Variants in SLC13A1 observed in about 807,000 individuals in gnomAD.
SLC13A1 encodes solute carrier family 13 member 1.
In SLC13A1, 65 loss-of-function variants were observed where a neutral mutation model predicts 70.0. That is an observed-to-expected ratio of 0.93 (90% CI 0.76 to 1.14). The LOEUF is 1.14. SLC13A1 is among the 50% of genes most tolerant of loss of function. The probability of loss-of-function intolerance (pLI) is 0.00; values close to 1 mark genes in which losing one functional copy is unlikely to be tolerated. For synonymous variants in SLC13A1, 275 were observed against 250.5 expected (o/e 1.10, Z -0.92); for missense variants, 726 against 717.8 (o/e 1.01, Z -0.13).
rs12673669 is a variant in SLC13A1 at position 123,113,992 on chromosome 7, G to C, written c.*1526C>G. 31,420 of 148,516 alleles carry C rather than the reference G, an allele frequency of 0.21. 4,115 individuals carry two copies. The highest frequency in any genetic ancestry group is 0.32 in the East Asian group (1,606 of 4,964). 9.2% of individuals were successfully genotyped at this position (148,516 alleles called of 1,614,324 possible). On this transcript the variant is annotated 3_prime_UTR_variant, in exon 15 of 15. Transcript: ENST00000194130. ...AATAGCAAAGGTTTGGCTGAGGCAG[G>C]AGAATGGCGTGAACCTGGGAGGCGG...
Position 123,126,236 on chromosome 7 carries a change from G to A in SLC13A1, c.1134-561C>T, listed in dbSNP as rs143900782. ...CTCTAACCATATCATACAAAGGAAA[G>A]CAACCTACTTAATTTTTTGCACCCC... On this transcript the variant is annotated intron_variant, in intron 10 of 14. Transcript: ENST00000194130. 2.0e-5 allele frequency among the ~76,000 whole-genome samples: 3 copies of A among 152,240 alleles called. No individual in the cohort carries two copies. In the East Asian group the frequency reaches 5.8e-4, roughly 29 times the overall value.
rs554821603 is a variant in SLC13A1, at chr7:123,149,939, C to A, written c.661-2629G>T. The stretch of plus-strand genomic sequence containing the variant: ...AAAAACTCCAAACTCTCTTTCTTGT[C>A]TTTTCTTGAATGGTAGTTCTTTATG... On this transcript the variant is annotated intron_variant, in intron 6 of 14. Coordinates refer to ENST00000194130, the MANE Select transcript of SLC13A1 (RefSeq NM_022444.4). 7.9e-5 allele frequency among the ~76,000 whole-genome samples: 12 copies of A among 152,218 alleles called. No individual in the cohort carries two copies. The South Asian group carries it at 2.5e-3, about 32-fold the overall frequency.
intron 7 of SLC13A1, among the ~76,000 whole-genome samples, chr7:123,146,156 T>G (rs763308012): frequency 3.9e-5 from 6 of 152,200 alleles, no homozygotes; most frequent in African/African-American, 1.2e-4. Flanking sequence ...ATTCTCACAA[T>G]AACCCTATCA....
intron 3 of SLC13A1, among the ~76,000 whole-genome samples, chr7:123,171,079 G>A (rs1270685818): frequency 6.6e-6 from 1 of 152,074 alleles, no homozygotes; most frequent in East Asian, 1.9e-4. Flanking sequence ...AGAAAGATGA[G>A]AAGGGAAGAA....
At chr7:123,179,799 A>C (rs1795578368) in intron 2 of SLC13A1, among the ~76,000 whole-genome samples, 1 of 141,310 alleles carries the variant, frequency 7.1e-6, no homozygotes, top group African/African-American at 2.5e-5. Context: ...ATAACAGACA[A>C]AGGTATAACT....
intron 7 of SLC13A1, among the ~76,000 whole-genome samples, chr7:123,141,683 T>A (rs1238918638): frequency 6.6e-6 from 1 of 152,186 alleles, no homozygotes; most frequent in African/African-American, 2.4e-5. Flanking sequence ...TATAGTGACC[T>A]TCTTTGTCTC....
chr7:123,130,381 G>A (rs1030722308), intron 8 of SLC13A1, among the ~76,000 whole-genome samples: 2 of 152,154 alleles, frequency 1.3e-5, no homozygotes, highest in Non-Finnish European at 1.5e-5. Context: ...ATACTATGCA[G>A]CCAAAACAAG....
chr7:123,152,764 TTA>T (rs1162102629), intron 6 of SLC13A1, among the ~76,000 whole-genome samples: 1 of 152,108 alleles, frequency 6.6e-6, no homozygotes. Flanking sequence ...TCCCTTTCCC[TTA>T]TATTTTATAC....
rs1189889687 is a variant in SLC13A1, at chr7:123,169,345, G to A, written c.366-10C>T. 6.2e-7 allele frequency: 1 copy of A among 1,609,830 alleles called. No individual in the cohort carries two copies. The highest frequency in any genetic ancestry group is 1.1e-5 in the South Asian group (1 of 91,002). ...GAACCCCAGCGTCAGCCTGAAACCA[G>A]AGAGCCATTATTGTGGAGCTGTGCT... On this transcript the variant is annotated splice_polypyrimidine_tract_variant and intron_variant, in intron 3 of 14. Coordinates refer to ENST00000194130, the MANE Select transcript of SLC13A1 (RefSeq NM_022444.4).
At position 123,171,837 on chromosome 7, in the gene SLC13A1, A is replaced by G. The variant is rs1563345905; in HGVS notation, c.296T>C (p.Ile99Thr). The G allele has an allele frequency of 6.2e-7, 1 of 1,613,754 alleles. No individual in the cohort carries two copies. The highest frequency in any genetic ancestry group is 8.5e-7 in the Non-Finnish European group (1 of 1,179,722). The change falls in exon 3 of 15, where the codon ATA becomes ACA. Residue 99 changes from isoleucine (I) to threonine (T), a missense_variant. By Grantham distance (89) the Ile-to-Thr change is moderately conservative. Transcript: ENST00000194130. ...TCTCTTGTGCAAATTCCATTTTTCTATGGATGTTGCTAAACAGATAACTCC... is the reference window on the plus strand; with the variant it reads ...TCTCTTGTGCAAATTCCATTTTTCTGTGGATGTTGCTAAACAGATAACTCC... ...LIGVICLATS[I>T]EKWNLHKRIA...
intron 2 of SLC13A1, among the ~76,000 whole-genome samples, chr7:123,179,644 C>A (rs576788268): frequency 6.6e-6 from 1 of 152,256 alleles, no homozygotes; most frequent in South Asian, 2.1e-4. Context: ...TTCCCAGGCA[C>A]CCTTCCCTCC....
intron 6 of SLC13A1, among the ~76,000 whole-genome samples, chr7:123,152,214 C>A (rs1346518256): frequency 6.6e-5 from 10 of 152,002 alleles, no homozygotes; most frequent in Admixed American, 6.6e-4. Context: ...GTTACAGTAA[C>A]TCAGGCCACA....
intron 6 of SLC13A1, among the ~76,000 whole-genome samples, chr7:123,162,006 A>G (rs186477856): frequency 2.6e-4 from 39 of 151,472 alleles, no homozygotes; most frequent in African/African-American, 3.4e-4. Context: ...AGAAAAATCA[A>G]TTTGGAGACA....
intron 1 of SLC13A1, among the ~76,000 whole-genome samples, chr7:123,199,530 C>T: frequency 6.6e-6 from 1 of 152,062 alleles, no homozygotes; most frequent in East Asian, 1.9e-4. Context: ...TGCATGCTCC[C>T]TGGAGAATGA....
intron 3 of SLC13A1, among the ~76,000 whole-genome samples, chr7:123,171,239 T>C (rs1204022147): frequency 6.6e-6 from 1 of 152,238 alleles, no homozygotes; most frequent in Non-Finnish European, 1.5e-5. Context: ...TTTCATACTC[T>C]GTAGATGAAA....
chr7:123,147,142 C>T lies in SLC13A1; in HGVS notation c.812+17G>A, dbSNP rs769194372. On this transcript the variant is annotated intron_variant, in intron 7 of 14. Transcript: ENST00000194130. ...GCTGCCCTTATGTTAAATCACCAATCCAATAAGGTTACTTACGTATTGAAA... is the reference window on the plus strand; with the variant it reads ...GCTGCCCTTATGTTAAATCACCAATTCAATAAGGTTACTTACGTATTGAAA... The T allele has an allele frequency of 1.9e-5, 30 of 1,607,892 alleles. No individual in the cohort carries two copies. The East Asian group carries it at 6.3e-4, about 34-fold the overall frequency.
At chr7:123,191,158 G>A (rs1489007996) in intron 1 of SLC13A1, among the ~76,000 whole-genome samples, 2 of 151,942 alleles carry the variant, frequency 1.3e-5, no homozygotes, top group Non-Finnish European at 2.9e-5. Context: ...GGTTCAGATG[G>A]GTCTTATCTT....
intron 2 of SLC13A1, among the ~76,000 whole-genome samples, chr7:123,172,776 C>T (rs1262520337): frequency 2.0e-5 from 3 of 151,654 alleles, no homozygotes; most frequent in Non-Finnish European, 2.9e-5. Flanking sequence ...CTTTGAAATA[C>T]ATTTAGGTAC....
chr7:123,145,732 T>C (rs931869207), intron 7 of SLC13A1, among the ~76,000 whole-genome samples: 2 of 152,178 alleles, frequency 1.3e-5, no homozygotes, highest in African/African-American at 4.8e-5. Context: ...TGTGTATTCA[T>C]AGAAACAATA....
Sources: allele counts gnomAD v4.1 joint callset (sites outside exome capture counted in the v4.1 genomes callset), GRCh38; gene constraint gnomAD v4.1.1; transcripts MANE v1.5; gene names NCBI Gene and HGNC (gene_info 2026-07-23, HGNC 2026-07-21).